The following CSMD1 variants were observed in gnomAD, a reference collection of about 807,000 sequenced individuals.
CSMD1 encodes the protein CUB and Sushi multiple domains 1, also known as CUB and sushi domain-containing protein 1.
Under a neutral mutation model 417.5 loss-of-function variants are expected in CSMD1, and 213 were observed. The observed-to-expected ratio is 0.51, with a 90% CI of 0.46 to 0.57. The LOEUF (loss-of-function observed/expected upper bound fraction) is 0.57, where lower values mean the gene tolerates loss of function less well. Ranked by LOEUF, CSMD1 falls within the 20% of genes least tolerant of loss-of-function variation. The probability of loss-of-function intolerance (pLI) is 0.00; values close to 1 mark genes in which losing one functional copy is unlikely to be tolerated. For synonymous variants in CSMD1, 2,862 were observed against 1,736.8 expected (o/e 1.65, Z -16.11); for missense variants, 6,923 against 4,529.7 (o/e 1.53, Z -15.17).
chr8:4,349,993 T>G (rs188947316), intron 3 of CSMD1, among the ~76,000 whole-genome samples: 31 of 152,286 alleles, frequency 2.0e-4, no homozygotes, highest in African/African-American at 7.2e-4. Flanking sequence ...GTAATAGCTT[T>G]GGTCCCTGAG....
intron 1 of CSMD1, among the ~76,000 whole-genome samples, chr8:4,950,924 CA>C (rs1256072677): frequency 6.6e-6 from 1 of 151,520 alleles, no homozygotes; most frequent in Non-Finnish European, 1.5e-5. Flanking sequence ...CCATTCTTGA[CA>C]AATAACTGAC....
At position 4,199,994 on chromosome 8, in the gene CSMD1, G is replaced by T. The variant is rs968284410; in HGVS notation, c.416-167895C>A. Among the ~76,000 whole-genome samples, 8 of 152,252 alleles carry T rather than the reference G, an allele frequency of 5.3e-5. No individual in the cohort carries two copies. The East Asian group carries it at 1.4e-3, about 26-fold the overall frequency. ...AAATAAATAATGGTGACTATTAAAA[G>T]TTCAAGGGCCCTGGACTTGTTGAAA... On this transcript the variant is annotated intron_variant, in intron 3 of 69. Coordinates refer to ENST00000635120, the MANE Select transcript of CSMD1 (RefSeq NM_033225.6).
intron 1 of CSMD1, among the ~76,000 whole-genome samples, chr8:4,659,004 A>C (rs979101796): frequency 5.3e-5 from 8 of 152,174 alleles, no homozygotes; most frequent in African/African-American, 1.2e-4. Flanking sequence ...AAAACAATAC[A>C]TAAAGGGAAA....
intron 5 of CSMD1, among the ~76,000 whole-genome samples, chr8:3,828,532 T>C (rs1053077165): frequency 6.6e-6 from 1 of 152,196 alleles, no homozygotes; most frequent in Non-Finnish European, 1.5e-5. Flanking sequence ...ATTCCTCTCC[T>C]TTTTCCACCT....
At chr8:4,787,158 C>A (rs1408980193) in intron 1 of CSMD1, among the ~76,000 whole-genome samples, 1 of 152,218 alleles carries the variant, frequency 6.6e-6, no homozygotes, top group South Asian at 2.1e-4. Flanking sequence ...CCTCCGGGTT[C>A]GGCCGCTGTA....
intron 1 of CSMD1, among the ~76,000 whole-genome samples, chr8:4,947,939 C>T (rs1434234153): frequency 2.6e-5 from 4 of 151,810 alleles, no homozygotes; most frequent in South Asian, 2.1e-4. Context: ...GTGCTTTGTG[C>T]GTTTATTCCT....
At chr8:3,063,631 G>C (rs1015655317) in intron 49 of CSMD1, among the ~76,000 whole-genome samples, 7 of 152,176 alleles carry the variant, frequency 4.6e-5, no homozygotes, top group African/African-American at 1.7e-4. Flanking sequence ...TCTACACACA[G>C]TGGGTTATTA....
At chr8:3,820,636 C>T (rs972210296) in intron 5 of CSMD1, among the ~76,000 whole-genome samples, 2 of 152,160 alleles carry the variant, frequency 1.3e-5, no homozygotes, top group Non-Finnish European at 2.9e-5. Context: ...AGCGTAGTGG[C>T]GTAATCTCGG....
At chr8:3,771,500 C>T (rs1029440233) in intron 5 of CSMD1, among the ~76,000 whole-genome samples, 3 of 152,164 alleles carry the variant, frequency 2.0e-5, no homozygotes, top group East Asian at 1.9e-4. Flanking sequence ...CTCTCGAACA[C>T]ACAACAGTTT....
chr8:3,357,127 G>A (rs1808847862), intron 21 of CSMD1, among the ~76,000 whole-genome samples: 1 of 152,146 alleles, frequency 6.6e-6, no homozygotes, highest in East Asian at 1.9e-4. Context: ...ATAAGCAGGT[G>A]TGGGGAATTA....
rs773239846 is a variant in CSMD1 at position 3,399,466 on chromosome 8, T to C, written c.2330A>G (p.Tyr777Cys). The change falls in exon 16 of 70, where the codon TAT becomes TGT. Residue 777 changes from tyrosine to cysteine, a missense_variant. Physicochemically the swap from Tyr to Cys is radical, Grantham distance 194. Coordinates refer to ENST00000635120, the MANE Select transcript of CSMD1 (RefSeq NM_033225.6). Reference protein sequence around the residue: ...GVILPPGWPGYYKDSLHCEWI... With the variant: ...GVILPPGWPGCYKDSLHCEWI... The stretch of plus-strand genomic sequence containing the variant: ...TTCACAATGTAAAGAATCCTTATAA[T>C]ATCCTGGCCATCCAGGAGGCAAAAT... 5 of 1,609,940 alleles carry C rather than the reference T, an allele frequency of 3.1e-6. No homozygotes were observed. The highest frequency in any genetic ancestry group is 2.7e-5 in the African/African-American group (2 of 74,866).
chr8:4,210,448 G>A (rs889082754), intron 3 of CSMD1, among the ~76,000 whole-genome samples: 1 of 152,150 alleles, frequency 6.6e-6, no homozygotes, highest in Non-Finnish European at 1.5e-5. Context: ...AAACAAAAAA[G>A]ATCAAGTTTC....
chr8:4,875,585 C>T (rs928530545), intron 1 of CSMD1, among the ~76,000 whole-genome samples: 1 of 152,060 alleles, frequency 6.6e-6, no homozygotes, highest in Non-Finnish European at 1.5e-5. Flanking sequence ...TGATTCGAAG[C>T]TGGTTTTGCC....
chr8:3,674,216 A>G (rs899052254), intron 7 of CSMD1, among the ~76,000 whole-genome samples: 46 of 152,322 alleles, frequency 3.0e-4, no homozygotes, highest in African/African-American at 9.9e-4. Flanking sequence ...AGAATTATCA[A>G]AAGCAGATTG....
intron 3 of CSMD1, among the ~76,000 whole-genome samples, chr8:4,191,248 T>C (rs1443568501): frequency 1.3e-5 from 2 of 151,736 alleles, no homozygotes; most frequent in African/African-American, 4.8e-5. Flanking sequence ...CACAAAAAAT[T>C]AGCAGGGCAT....
At chr8:3,739,354 TG>T (rs1417798492) in intron 6 of CSMD1, among the ~76,000 whole-genome samples, 1 of 152,222 alleles carries the variant, frequency 6.6e-6, no homozygotes, top group Non-Finnish European at 1.5e-5. Context: ...ACAGTGTGAC[TG>T]TAGTTAACCA....
chr8:4,575,154 T>C (rs542215100), intron 2 of CSMD1, among the ~76,000 whole-genome samples: 48 of 152,344 alleles, frequency 3.2e-4, no homozygotes, highest in Admixed American at 2.2e-3. Flanking sequence ...GCAGTCTCTA[T>C]AGCACTGTGG....
intron 1 of CSMD1, among the ~76,000 whole-genome samples, chr8:4,763,875 A>G (rs747736297): frequency 1.3e-5 from 2 of 152,252 alleles, no homozygotes; most frequent in Non-Finnish European, 2.9e-5. Flanking sequence ...AAACTAAAAT[A>G]CATGATTAAG....
At chr8:4,799,214 A>T (rs956621740) in intron 1 of CSMD1, among the ~76,000 whole-genome samples, 1 of 152,168 alleles carries the variant, frequency 6.6e-6, no homozygotes, top group Non-Finnish European at 1.5e-5. Flanking sequence ...ATGTTTTGAA[A>T]ACTGTAAGAG....
Sources: gnomAD v4.1 joint callset for allele counts (sites outside exome capture counted in the v4.1 genomes callset) on GRCh38, gnomAD v4.1.1 for gene constraint, MANE v1.5 for transcripts, NCBI Gene and HGNC (gene_info 2026-07-23, HGNC 2026-07-21) for gene names.